CNNM4: variants seen among roughly 807,000 people sequenced by gnomAD.
CNNM4 encodes cyclin and CBS domain divalent metal cation transport mediator 4, also known as metal transporter CNNM4.
In CNNM4, 32 loss-of-function variants were observed where a neutral mutation model predicts 53.7. The ratio of observed to expected loss-of-function variants is 0.60; its 90% CI spans 0.45 to 0.80. The LOEUF (loss-of-function observed/expected upper bound fraction) is 0.80. CNNM4 is among the 30% of genes least tolerant of loss of function. The pLI is 0.00. For missense variants in CNNM4, 784 were observed against 1,022.0 expected (o/e 0.77, Z 3.17); for synonymous variants, 410 against 440.0 (o/e 0.93, Z 0.85).
At chr2:96,777,327 G>A (rs1217277338) in intron 1 of CNNM4, among the ~76,000 whole-genome samples, 1 of 152,106 alleles carries the variant, frequency 6.6e-6, no homozygotes, top group African/African-American at 2.4e-5. Flanking sequence ...CCTGTTGCCT[G>A]TTTTCTAGGA....
Position 96,760,904 on chromosome 2 carries a change from T to G in CNNM4, c.-96T>G. On this transcript the variant is annotated 5_prime_UTR_variant, in exon 1 of 7. Coordinates refer to ENST00000377075, the MANE Select transcript of CNNM4 (RefSeq NM_020184.4). ...GACGTCAGGCTCGCGGCCCGGGCAGTTGGCTCGGCGGCAGCGGAGCGGCCG... is the reference window on the plus strand; with the variant it reads ...GACGTCAGGCTCGCGGCCCGGGCAGGTGGCTCGGCGGCAGCGGAGCGGCCG... 7.6e-6 allele frequency: 5 copies of G among 657,818 alleles called. No individual in the cohort carries two copies. Among genetic ancestry groups the G allele is most frequent in the Non-Finnish European group, 7.5e-6 (4 of 530,192 alleles). The allele number at this position is 657,818 out of a possible 1,614,324, so 40.7% of individuals were successfully genotyped here.
intron 5 of CNNM4, among the ~76,000 whole-genome samples, chr2:96,799,973 C>T (rs1399970846): frequency 2.0e-5 from 3 of 152,146 alleles, no homozygotes; most frequent in African/African-American, 7.2e-5. Flanking sequence ...GGGAGGAAGG[C>T]CCAGGGCCCT....
At chr2:96,798,559 C>T (rs776155253) in intron 3 of CNNM4, among the ~76,000 whole-genome samples, 26 of 152,314 alleles carry the variant, frequency 1.7e-4, no homozygotes, top group Middle Eastern at 3.4e-3. Context: ...CCCCTCTTCC[C>T]CTGGCCCAAT....
chr2:96,765,296 T>C (rs1380323597), intron 1 of CNNM4, among the ~76,000 whole-genome samples: 1 of 151,616 alleles, frequency 6.6e-6, no homozygotes, highest in Non-Finnish European at 1.5e-5. Context: ...CTGGCTAATT[T>C]TGTTTATTTA....
chr2:96,783,599 T>G (rs2078992183), intron 1 of CNNM4, among the ~76,000 whole-genome samples: 2 of 152,220 alleles, frequency 1.3e-5, no homozygotes, highest in South Asian at 4.1e-4. Flanking sequence ...ATTTCCTAAT[T>G]GTCCTGACTG....
Position 96,795,792 on chromosome 2 carries a change from C to A in CNNM4, c.1403-1220C>A, listed in dbSNP as rs376080346. On this transcript the variant is annotated intron_variant, in intron 1 of 6. Transcript: ENST00000377075. ...AGGCTGCTCCAAACCTGTGTTCCTG[C>A]GAGTGGGGTATGGCACACAGGACTC... Among the ~76,000 whole-genome samples the A allele has an allele frequency of 1.3e-4, 20 of 152,284 alleles. No homozygotes were observed. In the East Asian group the frequency reaches 3.1e-3, roughly 24 times the overall value.
chr2:96,781,410 C>A (rs955809149), intron 1 of CNNM4, among the ~76,000 whole-genome samples: 9 of 152,040 alleles, frequency 5.9e-5, no homozygotes, highest in African/African-American at 2.2e-4. Flanking sequence ...AGCGCAGTGG[C>A]ACAATCATAG....
chr2:96,806,533 ACACG>A (rs1553479684), intron 5 of CNNM4, among the ~76,000 whole-genome samples: 2,240 of 138,518 alleles, frequency 0.016, 59 homozygotes, highest in African/African-American at 0.057. Context: ...ACACACACAC[ACACG>A]CGCGCGCGCG....
At chr2:96,809,002 G>GA (rs2079232428) in intron 6 of CNNM4, among the ~76,000 whole-genome samples, 1 of 142,236 alleles carries the variant, frequency 7.0e-6, no homozygotes, top group Admixed American at 7.0e-5. Context: ...GTGGCTTCGG[G>GA]TTTTTTTTTT....
chr2:96,798,968 G>A, intron 3 of CNNM4, 89 bp from the exon 4 acceptor site: 1 of 1,315,478 alleles, frequency 7.6e-7, no homozygotes, highest in Non-Finnish European at 1.1e-6. Flanking sequence ...CAGCGTGGCT[G>A]CTGTGGTTGG....
At chr2:96,805,124 AT>A in intron 5 of CNNM4, among the ~76,000 whole-genome samples, 1 of 152,278 alleles carries the variant, frequency 6.6e-6, no homozygotes, top group East Asian at 1.9e-4. Flanking sequence ...TATGTGAAGT[AT>A]TAAGTAATAC....
rs562070315 is a variant in CNNM4, at chr2:96,811,399, G to A, written c.*1882G>A. 6.6e-6 allele frequency: 1 copy of A among 152,440 alleles called. No individual in the cohort carries two copies. The highest frequency in any genetic ancestry group is 1.9e-4 in the East Asian group (1 of 5,180). The allele number at this position is 152,440 out of a possible 1,614,324, so 9.4% of individuals were successfully genotyped here. On this transcript the variant is annotated 3_prime_UTR_variant, in exon 7 of 7. Transcript: ENST00000377075. ...ATTGGTGGGGGTATGTGAAGCAAAA[G>A]GGGCAGGTGCACACACCTCCACAGT...
intron 1 of CNNM4, among the ~76,000 whole-genome samples, chr2:96,772,624 C>A (rs575992446): frequency 2.0e-4 from 27 of 135,994 alleles, no homozygotes; most frequent in African/African-American, 7.0e-4. Context: ...CACACTCATA[C>A]CCCCACATAG....
At chr2:96,802,888 G>C (rs2079171630) in intron 5 of CNNM4, among the ~76,000 whole-genome samples, 1 of 152,128 alleles carries the variant, frequency 6.6e-6, no homozygotes, top group Non-Finnish European at 1.5e-5. Context: ...GTGCAACCAG[G>C]CCGCAGAGGG....
At chr2:96,781,154 G>GT (rs1330901388) in intron 1 of CNNM4, among the ~76,000 whole-genome samples, 2 of 151,662 alleles carry the variant, frequency 1.3e-5, no homozygotes, top group African/African-American at 4.8e-5. Flanking sequence ...AATTTTTTGT[G>GT]TTTTTTAGTA....
intron 5 of CNNM4, among the ~76,000 whole-genome samples, chr2:96,803,916 A>C (rs762483359): frequency 1.6e-4 from 25 of 152,128 alleles, no homozygotes; most frequent in Non-Finnish European, 2.9e-4. Flanking sequence ...GTTTGTTTTA[A>C]GAGACACGTT....
chr2:96,809,689 AG>A lies in CNNM4; in HGVS notation c.*173del. 3.2e-6 allele frequency: 2 copies of A among 631,096 alleles called. No homozygotes were observed. Among genetic ancestry groups the A allele is most frequent in the Non-Finnish European group, 5.5e-6 (2 of 361,256 alleles). The allele number at this position is 631,096 out of a possible 1,614,324, so 39.1% of individuals were successfully genotyped here. On this transcript the variant is annotated 3_prime_UTR_variant, in exon 7 of 7. Transcript: ENST00000377075. ...TGGCCTCTGCCAGGGACCTCTGAGT[AG>A]CTCTGAGGTGGCACTGTCCAGCCCT...
intron 1 of CNNM4, among the ~76,000 whole-genome samples, chr2:96,795,989 G>C (rs919184796): frequency 5.9e-5 from 9 of 152,094 alleles, no homozygotes; most frequent in Non-Finnish European, 1.5e-5. Context: ...CCCTCACTTT[G>C]GGTTGAGGGG....
At chr2:96,798,538 C>T (rs1041800276) in intron 3 of CNNM4, among the ~76,000 whole-genome samples, 6 of 152,142 alleles carry the variant, frequency 3.9e-5, no homozygotes, top group Non-Finnish European at 7.4e-5. Flanking sequence ...TTCTGCTCTG[C>T]CCGCTCTGTC....
Sources: allele counts gnomAD v4.1 joint callset (sites outside exome capture counted in the v4.1 genomes callset), GRCh38; gene constraint gnomAD v4.1.1; transcripts MANE v1.5; gene names NCBI Gene and HGNC (gene_info 2026-07-23, HGNC 2026-07-21).